Variants in CRTAC1 observed in about 807,000 individuals in gnomAD.
The protein encoded by CRTAC1 is cartilage acidic protein 1.
CRTAC1 carries 37 observed loss-of-function variants against 67.8 expected under a neutral mutation model. The ratio of observed to expected loss-of-function variants is 0.55; its 90% CI spans 0.42 to 0.72. The LOEUF is 0.72. Among genes scored for constraint, CRTAC1 ranks in the 30% least tolerant of loss-of-function variants. CRTAC1 has a pLI of 0.00. For missense variants in CRTAC1, 780 were observed against 931.6 expected (o/e 0.84, Z 2.12); for synonymous variants, 348 against 371.0 (o/e 0.94, Z 0.71).
chr10:97,997,794 T>C (rs1174289561), intron 2 of CRTAC1, among the ~76,000 whole-genome samples: 1 of 152,118 alleles, frequency 6.6e-6, no homozygotes, highest in African/African-American at 2.4e-5. Flanking sequence ...TAGATGCAAT[T>C]GAAGAAATAA....
At chr10:97,887,691 T>A (rs1466202793) in intron 11 of CRTAC1, among the ~76,000 whole-genome samples, 1 of 152,242 alleles carries the variant, frequency 6.6e-6, no homozygotes, top group Non-Finnish European at 1.5e-5. Context: ...TTGGGCATCC[T>A]CTCTGGGCCT....
chr10:98,025,317 C>T (rs1296458803), intron 1 of CRTAC1, among the ~76,000 whole-genome samples: 1 of 152,164 alleles, frequency 6.6e-6, no homozygotes, highest in Non-Finnish European at 1.5e-5. Context: ...TCCCTGGCCT[C>T]TACCTAGTGG....
chr10:98,002,330 T>C (rs988308485), intron 2 of CRTAC1, among the ~76,000 whole-genome samples: 1 of 150,202 alleles, frequency 6.7e-6, no homozygotes, highest in Non-Finnish European at 1.5e-5. Flanking sequence ...GAAAATCAGG[T>C]TTTTTTTTGT....
At chr10:97,928,682 G>T (rs573724182) in intron 3 of CRTAC1, among the ~76,000 whole-genome samples, 1 of 152,318 alleles carries the variant, frequency 6.6e-6, no homozygotes, top group East Asian at 1.9e-4. Context: ...ATCAGGGAGG[G>T]CTTCATGAGG....
intron 11 of CRTAC1, among the ~76,000 whole-genome samples, chr10:97,886,503 C>G (rs1290215821): frequency 6.6e-6 from 1 of 152,244 alleles, no homozygotes; most frequent in Non-Finnish European, 1.5e-5. Context: ...CCTCTCTTTC[C>G]AGGCCCAACC....
chr10:97,908,593 C>G (rs1313203951), intron 5 of CRTAC1, among the ~76,000 whole-genome samples: 3 of 152,198 alleles, frequency 2.0e-5, no homozygotes, highest in Admixed American at 6.5e-5. Flanking sequence ...CTTTAAGAAC[C>G]TATAGGGATA....
chr10:98,017,449 GA>G (rs1433939046), intron 1 of CRTAC1, among the ~76,000 whole-genome samples: 5 of 152,288 alleles, frequency 3.3e-5, no homozygotes, highest in African/African-American at 9.6e-5. Context: ...GAGATGTGCG[GA>G]GGGGGAAAAG....
At chr10:97,922,688 G>A (rs945904010) in intron 4 of CRTAC1, among the ~76,000 whole-genome samples, 8 of 152,202 alleles carry the variant, frequency 5.3e-5, no homozygotes. Flanking sequence ...ATCCAGTTTG[G>A]GTGGGGCACC....
chr10:97,930,941 A>T (rs2050995230), intron 3 of CRTAC1, among the ~76,000 whole-genome samples: 2 of 152,180 alleles, frequency 1.3e-5, no homozygotes, highest in South Asian at 4.2e-4. Context: ...AAAATGACAA[A>T]CAAGGGAAAA....
At chr10:97,869,015 G>A (rs2050060618) in intron 14 of CRTAC1, 1 of 152,246 alleles carries the variant, frequency 6.6e-6, no homozygotes, top group South Asian at 2.1e-4. Flanking sequence ...TGGACGTTAA[G>A]TAACTGGGAA....
At chr10:97,946,327 TC>T (rs944897514) in intron 2 of CRTAC1, among the ~76,000 whole-genome samples, 1 of 152,190 alleles carries the variant, frequency 6.6e-6, no homozygotes, top group Non-Finnish European at 1.5e-5. Context: ...GGTCAGCACT[TC>T]CTTTTCCTTC....
Position 97,973,549 on chromosome 10 carries a change from G to A in CRTAC1, c.225-37183C>T, listed in dbSNP as rs192446289. Among the ~76,000 whole-genome samples the A allele has an allele frequency of 3.1e-3, 474 of 152,076 alleles. 2 individuals carry two copies. The highest frequency in any genetic ancestry group is 0.011 in the African/African-American group (444 of 41,470). On this transcript the variant is annotated intron_variant, in intron 2 of 14. Coordinates refer to ENST00000370597, the MANE Select transcript of CRTAC1 (RefSeq NM_018058.7). ...CACTTGTTGCCTGACCTCGAAAATC[G>A]AACTTCCTCCCCTTCCCCACTGAAA...
intron 8 of CRTAC1, among the ~76,000 whole-genome samples, chr10:97,899,603 G>A (rs1411496760): frequency 6.6e-6 from 1 of 152,258 alleles, no homozygotes; most frequent in East Asian, 1.9e-4. Context: ...TCTGGAAGTT[G>A]TGAATAAGCT....
chr10:97,871,937 G>A (rs751250973), intron 14 of CRTAC1, among the ~76,000 whole-genome samples: 5 of 152,178 alleles, frequency 3.3e-5, no homozygotes, highest in African/African-American at 4.8e-5. Flanking sequence ...AAGTGATTGG[G>A]AACCAGCTAT....
In CRTAC1 at chr10:97,882,821, T is replaced by C; in HGVS notation, c.1640A>G (p.Gln547Arg). ...GCCATTTTCCTGCTGGGAGAATCCT[T>C]GGCCACACTGTAAGGTGGGCAGAAG... is the stretch of plus-strand genomic sequence containing the variant. Reference protein sequence around the residue: ...LQDPAPLECGQGFSQQENGHC... With the variant: ...LQDPAPLECGRGFSQQENGHC... Residue 547 changes from glutamine (Q) to arginine (R), a missense_variant, in exon 13 of 15, where the codon CAA becomes CGA. Transcript: ENST00000370597. 1 of 1,614,238 alleles carries C rather than the reference T, an allele frequency of 6.2e-7. No individual in the cohort carries two copies. The highest frequency in any genetic ancestry group is 8.5e-7 in the Non-Finnish European group (1 of 1,180,044).
intron 2 of CRTAC1, among the ~76,000 whole-genome samples, chr10:97,998,209 C>T (rs1362992791): frequency 1.3e-5 from 2 of 152,080 alleles, no homozygotes; most frequent in Non-Finnish European, 2.9e-5. Context: ...CTGGGCTGAA[C>T]TGATCTGCTT....
intron 5 of CRTAC1, among the ~76,000 whole-genome samples, chr10:97,915,954 A>G (rs1472243820): frequency 6.6e-6 from 1 of 151,758 alleles, no homozygotes; most frequent in Non-Finnish European, 1.5e-5. Context: ...TGGTGCTTCC[A>G]TCCCCACTGT....
intron 2 of CRTAC1, among the ~76,000 whole-genome samples, chr10:98,006,478 C>T (rs572954830): frequency 1.2e-4 from 18 of 152,296 alleles, no homozygotes; most frequent in Admixed American, 2.6e-4. Flanking sequence ...GAACAAAGGG[C>T]GGTCATTTCC....
chr10:97,888,041 G>A (rs377654207), intron 11 of CRTAC1, among the ~76,000 whole-genome samples: 2 of 152,330 alleles, frequency 1.3e-5, no homozygotes, highest in South Asian at 4.1e-4. Flanking sequence ...GCAGTGAATC[G>A]CCCAGTTGCC....
Sources: allele counts gnomAD v4.1 joint callset (sites outside exome capture counted in the v4.1 genomes callset), GRCh38; gene constraint gnomAD v4.1.1; transcripts MANE v1.5; gene names NCBI Gene and HGNC (gene_info 2026-07-23, HGNC 2026-07-21).